Variants in PHKA1 observed in about 807,000 individuals in gnomAD.
The protein encoded by PHKA1 is phosphorylase kinase regulatory subunit alpha 1, also known as phosphorylase b kinase regulatory subunit alpha, skeletal muscle isoform.
PHKA1 carries 60 observed loss-of-function variants against 110.2 expected under a neutral mutation model. That is an observed-to-expected ratio of 0.54 (90% CI 0.44 to 0.68). PHKA1 has a LOEUF of 0.68. Ranked by LOEUF, PHKA1 falls within the 30% of genes least tolerant of loss-of-function variation. PHKA1 has a pLI of 0.00. For synonymous variants in PHKA1, 316 were observed against 333.6 expected (o/e 0.95, Z 0.58); for missense variants, 801 against 942.5 (o/e 0.85, Z 1.97).
intron 5 of PHKA1, among the ~76,000 whole-genome samples, chrX:72,676,950 A>C (rs1244847506): frequency 1.8e-5 from 2 of 112,149 alleles, no homozygotes; most frequent in Non-Finnish European, 3.8e-5. Context: ...ACTATTAACC[A>C]AACTATGGAC....
intron 28 of PHKA1, chrX:72,599,993 T>C: frequency 2.9e-6 from 1 of 349,357 alleles, no homozygotes; most frequent in Non-Finnish European, 5.1e-6. Context: ...CACATAATCA[T>C]TAAAAAGCTG....
At chrX:72,702,306 C>T (rs782408175) in intron 3 of PHKA1, among the ~76,000 whole-genome samples, 91 of 110,560 alleles carry the variant, frequency 8.2e-4, no homozygotes, top group African/African-American at 2.8e-3. Flanking sequence ...AAAAATTAGC[C>T]GAGTGTGGTG....
chrX:72,711,310 G>A (rs1180667656), intron 2 of PHKA1, among the ~76,000 whole-genome samples: 4 of 112,075 alleles, frequency 3.6e-5, no homozygotes, highest in Non-Finnish European at 7.5e-5. Context: ...AGTAAAAATA[G>A]CAACAAACAA....
chrX:72,687,688 TAAA>T (rs1334705880), intron 4 of PHKA1, among the ~76,000 whole-genome samples: 1 of 111,083 alleles, frequency 9.0e-6, no homozygotes, highest in Non-Finnish European at 1.9e-5. Flanking sequence ...CATTAAACTT[TAAA>T]AAAAACTTCT....
chrX:72,687,197 G>C (rs2053976044), intron 4 of PHKA1, among the ~76,000 whole-genome samples: 1 of 111,377 alleles, frequency 9.0e-6, no homozygotes, highest in African/African-American at 3.3e-5. Context: ...ACATATACCA[G>C]TCTTTGCATA....
rs1556198974 is a variant in PHKA1, at chrX:72,580,423, ATCAC to A, written c.*575_*578del. On this transcript the variant is annotated 3_prime_UTR_variant, in exon 32 of 32. Transcript: ENST00000373542. Reference sequence around the variant, plus strand: ...TTCTACATAGAAACAATTTTAAATTATCACTCAGTGTGAAGCAACCTGTAAGTAA... The same window carrying A: ...TTCTACATAGAAACAATTTTAAATTATCAGTGTGAAGCAACCTGTAAGTAA... 1 of 114,885 alleles carries A rather than the reference ATCAC, an allele frequency of 8.7e-6. No homozygotes were observed. The highest frequency in any genetic ancestry group is 1.8e-5 in the Non-Finnish European group (1 of 54,864). The allele number at this position is 114,885 out of a possible 1,213,427, so 9.5% of individuals were successfully genotyped here. A position where few individuals can be genotyped will look rare whatever the true frequency, so the allele number is the denominator to read the frequency against.
At chrX:72,586,426 T>A (rs1245865913) in intron 29 of PHKA1, among the ~76,000 whole-genome samples, 1 of 111,569 alleles carries the variant, frequency 9.0e-6, no homozygotes, top group Non-Finnish European at 1.9e-5. Flanking sequence ...CATCTGTAGG[T>A]CACCAACATC....
Position 72,672,686 on chromosome X carries a change from G to GACC in PHKA1, c.618+3381_618+3383dup, listed in dbSNP as rs1253203205. ...TTCAATACGAATTTTGGTGAGGGGG[G>GACC]ACCACAAACATTCAAGTCATAGCAA... On this transcript the variant is annotated intron_variant, in intron 6 of 31. Transcript: ENST00000373542. 5.4e-5 allele frequency among the ~76,000 whole-genome samples: 6 copies of GACC among 111,700 alleles called. No homozygotes were observed. The Admixed American group carries it at 5.7e-4, about 11-fold the overall frequency.
At chrX:72,604,668 T>C (rs1454210833) in intron 25 of PHKA1, among the ~76,000 whole-genome samples, 2 of 111,748 alleles carry the variant, frequency 1.8e-5, no homozygotes, top group Non-Finnish European at 3.8e-5. Context: ...AAACAAATAC[T>C]AATGGAATAA....
At chrX:72,603,933 A>C (rs1569427329) in intron 25 of PHKA1, among the ~76,000 whole-genome samples, 2 of 111,159 alleles carry the variant, frequency 1.8e-5, no homozygotes, top group Non-Finnish European at 3.8e-5. Context: ...TGACAAAATT[A>C]GTGGGAAGTA....
intron 29 of PHKA1, 124 bp downstream of exon 29, chrX:72,592,980 T>G (rs1556227721): frequency 1.9e-6 from 1 of 516,256 alleles, no homozygotes; most frequent in Non-Finnish European, 3.5e-6. Flanking sequence ...CTTCTTGGTT[T>G]TGTCTATCTG....
At chrX:72,707,394 T>C (rs2054301502) in intron 2 of PHKA1, among the ~76,000 whole-genome samples, 1 of 112,034 alleles carries the variant, frequency 8.9e-6, no homozygotes, top group South Asian at 3.7e-4. Flanking sequence ...CCTCTGTGTG[T>C]TCCCACAGAG....
chrX:72,652,222 TA>T (rs2053438963), intron 12 of PHKA1, among the ~76,000 whole-genome samples: 1 of 111,920 alleles, frequency 8.9e-6, no homozygotes, highest in Non-Finnish European at 1.9e-5. Flanking sequence ...ATTAACTAGC[TA>T]AGCACAAATG....
At chrX:72,651,509 C>T (rs1556299066) in intron 12 of PHKA1, among the ~76,000 whole-genome samples, 1 of 110,654 alleles carries the variant, frequency 9.0e-6, no homozygotes, top group African/African-American at 3.3e-5. Flanking sequence ...GCACTCCAGC[C>T]TGGGCAACAA....
intron 29 of PHKA1, among the ~76,000 whole-genome samples, chrX:72,588,647 T>C (rs1556219116): frequency 9.0e-6 from 1 of 111,260 alleles, no homozygotes; most frequent in Non-Finnish European, 1.9e-5. Context: ...GAGCTGGTTT[T>C]TTGAAAAGAT....
chrX:72,607,895 C>A, intron 23 of PHKA1, among the ~76,000 whole-genome samples: 1 of 111,561 alleles, frequency 9.0e-6, no homozygotes, highest in East Asian at 2.8e-4. Flanking sequence ...GTTAGCAGTT[C>A]CTAGGCCAAA....
chrX:72,583,590 T>A (rs1442133376), intron 30 of PHKA1, among the ~76,000 whole-genome samples: 2 of 112,186 alleles, frequency 1.8e-5, no homozygotes, highest in African/African-American at 6.5e-5. Context: ...GAGAACTTTC[T>A]ACTATTGAAT....
chrX:72,705,103 C>T, intron 3 of PHKA1, 95 bp downstream of exon 3: 2 of 727,920 alleles, frequency 2.7e-6, no homozygotes, highest in Admixed American at 2.4e-5. Flanking sequence ...ATTTGTGAAA[C>T]TGAAAGAAAA....
Position 72,609,634 on chromosome X carries a change from T to C in PHKA1, c.2596A>G (p.Thr866Ala), listed in dbSNP as rs782396693. 4 of 1,199,827 alleles carry C rather than the reference T, an allele frequency of 3.3e-6. No individual in the cohort carries two copies. The highest frequency in any genetic ancestry group is 4.5e-6 in the Non-Finnish European group (4 of 884,648). The change falls in exon 23 of 32, where the codon ACT (threonine) becomes GCT (alanine). Residue 866 changes from threonine (T) to alanine (A), a missense_variant. Transcript: ENST00000373542. ...VGLPPEPREK[T>A]ISAPLPYEAL... is the part of the protein sequence containing the mutation. ...CCCAGCCATACTCACGCAGAGATAG[T>C]CTTTTCTCGAGGTTCTGGAGGAAGT...
Sources: gnomAD v4.1 joint callset for allele counts (sites outside exome capture counted in the v4.1 genomes callset) on GRCh38, gnomAD v4.1.1 for gene constraint, MANE v1.5 for transcripts, NCBI Gene and HGNC (gene_info 2026-07-23, HGNC 2026-07-21) for gene names.